The following LAMC2 variants were observed in gnomAD, a reference collection of about 807,000 sequenced individuals.
LAMC2 encodes laminin subunit gamma-2.
LAMC2 carries 97 observed loss-of-function variants against 140.2 expected under a neutral mutation model. The observed-to-expected ratio is 0.69, with a 90% CI of 0.59 to 0.82. LAMC2 has a LOEUF of 0.82. Among genes scored for constraint, LAMC2 ranks in the 40% least tolerant of loss-of-function variants. LAMC2 has a pLI of 0.00. For synonymous variants in LAMC2, 513 were observed against 540.2 expected (o/e 0.95, Z 0.70); for missense variants, 1,402 against 1,476.1 (o/e 0.95, Z 0.82).
At chr1:183,232,938 GTC>G in intron 14 of LAMC2, 81 bp downstream of exon 14, 1 of 1,309,226 alleles carries the variant, frequency 7.6e-7, no homozygotes, top group Non-Finnish European at 1.1e-6. Flanking sequence ...CTCAATTTCT[GTC>G]TCTCAGTGGC....
chr1:183,189,752 C>T (rs1413560714), intron 1 of LAMC2, among the ~76,000 whole-genome samples: 3 of 152,152 alleles, frequency 2.0e-5, no homozygotes, highest in African/African-American at 7.2e-5. Flanking sequence ...CAAAGGAAGA[C>T]TGTCAGCAAC....
chr1:183,215,415 T>G (rs745817758), intron 2 of LAMC2, 38 bp from the exon 3 acceptor site: 1 of 1,612,736 alleles, frequency 6.2e-7, no homozygotes, highest in East Asian at 2.2e-5. Context: ...AAAATATTTC[T>G]TCTTCTTCTT....
chr1:183,187,351 G>T (rs1558075668), intron 1 of LAMC2, among the ~76,000 whole-genome samples: 1 of 152,190 alleles, frequency 6.6e-6, no homozygotes, highest in Non-Finnish European at 1.5e-5. Flanking sequence ...TCCGGGTGAT[G>T]CTGGCCTGAA....
At chr1:183,227,801 C>G (rs1178752320) in intron 10 of LAMC2, 104 bp downstream of exon 10, 1 of 1,090,982 alleles carries the variant, frequency 9.2e-7, no homozygotes, top group Admixed American at 2.0e-5. Flanking sequence ...ATTATAATGA[C>G]TTCGGGTTCA....
Position 183,232,303 on chromosome 1 carries a change from G to A in LAMC2, c.1974G>A (p.Gln658=), listed in dbSNP as rs1051098440. 1 of 1,614,064 alleles carries A rather than the reference G, an allele frequency of 6.2e-7. No homozygotes were observed. The highest frequency in any genetic ancestry group is 8.5e-7 in the Non-Finnish European group (1 of 1,180,032). ...ELEGRMQQAE[Q]ALQDILRDAQ... ...AAGGCAGGATGCAGCAGGCTGAGCA[G>A]GCCCTTCAGGACATTCTGAGAGATG... The change falls in exon 13 of 23, where the codon CAG becomes CAA. Residue 658 remains glutamine (Q), a synonymous_variant. Coordinates refer to ENST00000264144, the MANE Select transcript of LAMC2 (RefSeq NM_005562.3).
intron 1 of LAMC2, among the ~76,000 whole-genome samples, chr1:183,199,344 C>T (rs1658630053): frequency 6.6e-6 from 1 of 151,922 alleles, no homozygotes; most frequent in Non-Finnish European, 1.5e-5. Flanking sequence ...TCTCGTGATC[C>T]ACCCACCTCG....
intron 1 of LAMC2, among the ~76,000 whole-genome samples, chr1:183,206,557 A>G (rs1658890706): frequency 1.3e-5 from 2 of 151,908 alleles, no homozygotes; most frequent in African/African-American, 4.8e-5. Flanking sequence ...AGGCAGGAGA[A>G]TCACTTGAAC....
chr1:183,221,645 C>T (rs947920655), intron 5 of LAMC2, among the ~76,000 whole-genome samples: 3 of 151,704 alleles, frequency 2.0e-5, no homozygotes, highest in Admixed American at 6.6e-5. Context: ...AGGAGAATGG[C>T]GTGAACCCGG....
At chr1:183,214,053 T>C (rs1227918730) in intron 2 of LAMC2, among the ~76,000 whole-genome samples, 1 of 140,426 alleles carries the variant, frequency 7.1e-6, no homozygotes, top group African/African-American at 2.8e-5. Context: ...AAAAAAAAAA[T>C]ACAGATTATT....
intron 3 of LAMC2, 28 bp from the exon 4 acceptor site, chr1:183,218,362 C>A (rs368273911): frequency 2.6e-6 from 4 of 1,533,698 alleles, no homozygotes; most frequent in East Asian, 4.5e-5. Flanking sequence ...GGAAGCATGT[C>A]CCTAATTTTC....
At chr1:183,212,445 CT>C (rs1659101153) in intron 2 of LAMC2, among the ~76,000 whole-genome samples, 2 of 152,090 alleles carry the variant, frequency 1.3e-5, no homozygotes, top group African/African-American at 4.8e-5. Flanking sequence ...TTCTCTCCTC[CT>C]CCCCTCACCC....
chr1:183,238,775 C>T (rs556662303), intron 19 of LAMC2, among the ~76,000 whole-genome samples: 34 of 152,254 alleles, frequency 2.2e-4, no homozygotes, highest in African/African-American at 8.2e-4. Flanking sequence ...TGCAACATAC[C>T]ACTACTGTAC....
intron 4 of LAMC2, among the ~76,000 whole-genome samples, chr1:183,220,361 A>C (rs1247946566): frequency 6.6e-6 from 1 of 152,044 alleles, no homozygotes; most frequent in Non-Finnish European, 1.5e-5. Flanking sequence ...ATCAATACCT[A>C]AGTGGTCTTG....
In LAMC2 at chr1:183,243,197, C is replaced by G. The variant is rs374143486; in HGVS notation, c.3379C>G (p.Leu1127Val). ...GGGGCTGGTCTTACTGGAGCAGAAG[C>G]TTTCCCGAGCCAAGACCCAGATCAA... Reference protein sequence around the residue: ...EEGLVLLEQKLSRAKTQINSQ... With the variant: ...EEGLVLLEQKVSRAKTQINSQ... The change falls in exon 23 of 23, where the codon CTT becomes GTT. Residue 1127 changes from leucine to valine, a missense_variant. By Grantham distance (32) the Leu-to-Val change is conservative (BLOSUM62 1). Around this residue, in one of 3 missense-constraint regions of LAMC2, gnomAD observed 670 missense variants for 667.2 expected, o/e 1.00. Transcript: ENST00000264144. 1.2e-6 allele frequency: 2 copies of G among 1,613,772 alleles called. No individual in the cohort carries two copies. The highest frequency in any genetic ancestry group is 2.7e-5 in the African/African-American group (2 of 74,866).
Position 183,225,732 on chromosome 1 carries a change from C to G in LAMC2, c.1066+12C>G, listed in dbSNP as rs12092752. The G allele has an allele frequency of 1.0e-5, 16 of 1,538,752 alleles. No homozygotes were observed. Among genetic ancestry groups the G allele is most frequent in the Admixed American group, 1.0e-4 (6 of 59,870 alleles). ...ATATGGAGAATACAGTAAGTGGCTA[C>G]GAGAAATTAATTTCTTTCTTCTTAG... is the stretch of plus-strand genomic sequence containing the variant. On this transcript the variant is annotated intron_variant, in intron 8 of 22. Transcript: ENST00000264144.
At chr1:183,219,165 C>T (rs1659386722) in intron 4 of LAMC2, among the ~76,000 whole-genome samples, 1 of 152,200 alleles carries the variant, frequency 6.6e-6, no homozygotes, top group Non-Finnish European at 1.5e-5. Flanking sequence ...AGGCTGGCGT[C>T]AGAAGCAAAG....
At chr1:183,195,799 G>T (rs770104505) in intron 1 of LAMC2, among the ~76,000 whole-genome samples, 44,073 of 151,746 alleles carry the variant, frequency 0.29, 6,769 homozygotes, top group East Asian at 0.43. Flanking sequence ...TGAAGTTCAA[G>T]GCCAGTTTAA....
rs749036433 is a variant in LAMC2, at chr1:183,235,673, G to C, written c.2399G>C (p.Gly800Ala). 2.5e-6 allele frequency: 4 copies of C among 1,614,126 alleles called. No homozygotes were observed. Among genetic ancestry groups the C allele is most frequent in the Non-Finnish European group, 3.4e-6 (4 of 1,180,046 alleles). ...LSLVRKALHE[G>A]VGSGSGSPDG... Reference sequence around the variant, plus strand: ...CTGGTGCGCAAGGCCCTGCATGAAGGAGTCGGAAGCGGAAGCGGTAGCCCG... The same window carrying C: ...CTGGTGCGCAAGGCCCTGCATGAAGCAGTCGGAAGCGGAAGCGGTAGCCCG... The change falls in exon 16 of 23, where the codon GGA becomes GCA. Residue 800 changes from glycine to alanine, a missense_variant. Around this residue, in one of 3 missense-constraint regions of LAMC2, gnomAD observed 670 missense variants for 667.2 expected, o/e 1.00. Transcript: ENST00000264144.
At chr1:183,199,999 C>T (rs999563482) in intron 1 of LAMC2, among the ~76,000 whole-genome samples, 3 of 152,220 alleles carry the variant, frequency 2.0e-5, no homozygotes, top group African/African-American at 4.8e-5. Flanking sequence ...TTTGTCATTA[C>T]CGTTAAAGCA....
Sources: allele counts gnomAD v4.1 joint callset (sites outside exome capture counted in the v4.1 genomes callset), GRCh38; gene constraint gnomAD v4.1.1; regional missense constraint gnomAD v4.1.1; transcripts MANE v1.5; gene names NCBI Gene and HGNC (gene_info 2026-07-23, HGNC 2026-07-21).